CCDC187: variants seen among roughly 807,000 people sequenced by gnomAD.
The protein encoded by CCDC187 is coiled-coil domain-containing protein 187.
In CCDC187, 32 loss-of-function variants were observed where a neutral mutation model predicts 38.0. That is an observed-to-expected ratio of 0.84 (90% CI 0.64 to 1.13). The LOEUF is 1.13. Ranked by LOEUF, CCDC187 falls within the 50% of genes most tolerant of loss-of-function variation. CCDC187 has a pLI of 0.00. For synonymous variants in CCDC187, 333 were observed against 347.9 expected, an observed-to-expected ratio of 0.96 and a Z score of 0.48; for missense variants, 707 against 786.8, an observed-to-expected ratio of 0.90 and a Z score of 1.21.
intron 10 of CCDC187, among the ~76,000 whole-genome samples, chr9:136,279,906 C>T (rs1161917244): frequency 6.6e-6 from 1 of 152,232 alleles, no homozygotes; most frequent in East Asian, 1.9e-4. Flanking sequence ...AAGAGTCCCA[C>T]CCCGTCGTCC....
chr9:136,267,781 G>T, intron 15 of CCDC187: 1 of 938,930 alleles, frequency 1.1e-6, no homozygotes, highest in Non-Finnish European at 1.3e-6. Context: ...CAGGCCACCT[G>T]CCCTAAAATA....
At chr9:136,279,550 C>T (rs1489942777) in intron 10 of CCDC187, among the ~76,000 whole-genome samples, 3 of 152,232 alleles carry the variant, frequency 2.0e-5, no homozygotes, top group African/African-American at 7.2e-5. Flanking sequence ...CTGGCCAAGA[C>T]GTGGCTGTCC....
rs999913406 is a variant in CCDC187 at position 136,268,031 on chromosome 9, G to C, written c.3519+18C>G. ...GTCCTGAAATTGTGCCTCTCCCCCA[G>C]GGGACCTCTCCACGTACCTGGTGGG... On this transcript the variant is annotated intron_variant, in intron 15 of 25. Transcript: ENST00000638797. 2.0e-6 allele frequency: 2 copies of C among 985,268 alleles called. No individual in the cohort carries two copies. Among genetic ancestry groups the C allele is most frequent in the Non-Finnish European group, 2.4e-6 (2 of 829,864 alleles). The allele number at this position is 985,268 out of a possible 1,614,324, so 61.0% of individuals were successfully genotyped here. A position where few individuals can be genotyped will look rare whatever the true frequency, so the allele number is the denominator to read the frequency against.
At chr9:136,295,305 G>C (rs1831508639) in intron 4 of CCDC187, among the ~76,000 whole-genome samples, 1 of 152,186 alleles carries the variant, frequency 6.6e-6, no homozygotes, top group Admixed American at 6.5e-5. Flanking sequence ...CCCCTCCATT[G>C]CTGGCCACTC....
At chr9:136,263,908 G>A in intron 17 of CCDC187, 110 bp from the exon 18 acceptor site, 2 of 793,740 alleles carry the variant, frequency 2.5e-6, no homozygotes, top group Non-Finnish European at 3.1e-6. Flanking sequence ...CACACTGGGA[G>A]GCCTCCCTTT....
intron 6 of CCDC187, 113 bp from the exon 7 acceptor site, chr9:136,290,166 C>T (rs1831282965): frequency 2.5e-6 from 1 of 397,836 alleles, no homozygotes; most frequent in South Asian, 1.3e-4. Context: ...GGCTGCTTCC[C>T]CAGAGTCTTG....
At position 136,263,806 on chromosome 9, in the gene CCDC187, G is replaced by A; in HGVS notation, c.3736-8C>T. 1 of 985,514 alleles carries A rather than the reference G, an allele frequency of 1.0e-6. No homozygotes were observed. Among genetic ancestry groups the A allele is most frequent in the Non-Finnish European group, 1.2e-6 (1 of 829,960 alleles). 61.0% of individuals were successfully genotyped at this position (985,514 alleles called of 1,614,324 possible). ...CAGGTATTGGATTTCCCTCTGAGCAGGCAAAATAAGCAGATGTCAGCATAA... is the reference window on the plus strand; with the variant it reads ...CAGGTATTGGATTTCCCTCTGAGCAAGCAAAATAAGCAGATGTCAGCATAA... On this transcript the variant is annotated splice_region_variant and splice_polypyrimidine_tract_variant and intron_variant, in intron 17 of 25. Coordinates refer to ENST00000638797, the MANE Select transcript of CCDC187 (RefSeq NM_001378188.1).
At chr9:136,268,207 A>T in intron 14 of CCDC187, 82 bp from the exon 15 acceptor site, 1 of 896,494 alleles carries the variant, frequency 1.1e-6, no homozygotes, top group South Asian at 5.1e-5. Flanking sequence ...GGAGGGCCTC[A>T]TAAAAGTAGG....
rs1830741745 is a variant in CCDC187, at chr9:136,266,131, C to A, written c.3648-88G>T. The A allele has an allele frequency of 5.3e-6, 4 of 750,470 alleles. No homozygotes were observed. In the South Asian group the frequency reaches 1.8e-4, roughly 34 times the overall value. The allele number at this position is 750,470 out of a possible 1,614,324, so 46.5% of individuals were successfully genotyped here. On this transcript the variant is annotated intron_variant, in intron 16 of 25. Coordinates refer to ENST00000638797, the MANE Select transcript of CCDC187 (RefSeq NM_001378188.1). ...CACAGACACAGCCAGCCCTGGTCGG[C>A]CACATCAACCTGGAATGCCCTCCCA...
chr9:136,293,143 ACT>A (rs1831379263), intron 4 of CCDC187, among the ~76,000 whole-genome samples: 1 of 149,770 alleles, frequency 6.7e-6, no homozygotes, highest in Admixed American at 6.7e-5. Context: ...ATGCTCACAC[ACT>A]CACAAACACA....
intron 24 of CCDC187, 40 bp from the exon 25 acceptor site, chr9:136,255,773 TC>T: frequency 1.0e-6 from 1 of 960,810 alleles, no homozygotes. Flanking sequence ...GGGATCCTGG[TC>T]CTCCTGGCCT....
chr9:136,301,586 C>CTTT lies in CCDC187; in HGVS notation c.625+1223_625+1225dup, dbSNP rs1207423796. 3.2e-3 allele frequency among the ~76,000 whole-genome samples: 400 copies of CTTT among 126,534 alleles called. 15 individuals are homozygous for CTTT. Among genetic ancestry groups the CTTT allele is most frequent in the African/African-American group, 9.8e-3 (322 of 32,890 alleles). The allele number at this position is 126,534 out of a possible 152,430, so 83.0% of individuals were successfully genotyped here. A position where few individuals can be genotyped will look rare whatever the true frequency, so the allele number is the denominator to read the frequency against. ...TACATTTTATGTTATGCATACGTTACTTTTTTTTTTTTTTTTTTGAGACGA... is the reference window on the plus strand; with the variant it reads ...TACATTTTATGTTATGCATACGTTACTTTTTTTTTTTTTTTTTTTTTGAGACGA... On this transcript the variant is annotated intron_variant, in intron 2 of 25. Coordinates refer to ENST00000638797, the MANE Select transcript of CCDC187 (RefSeq NM_001378188.1).
rs1554760594 is a variant in CCDC187 at position 136,258,424 on chromosome 9, G to A, written c.4366+508C>T. On this transcript the variant is annotated intron_variant, in intron 22 of 25. Coordinates refer to ENST00000638797, the MANE Select transcript of CCDC187 (RefSeq NM_001378188.1). The surrounding 1 kb of genome is among the most constrained non-coding windows in gnomAD (Gnocchi z 4.3). Reference sequence around the variant, plus strand: ...GGTCAGGGAGCTCCGAGGTGGCATCGCAGGGCACACAACCCCCCACTCTTC... The same window carrying A: ...GGTCAGGGAGCTCCGAGGTGGCATCACAGGGCACACAACCCCCCACTCTTC... 1.3e-5 allele frequency among the ~76,000 whole-genome samples: 2 copies of A among 152,064 alleles called. No homozygotes were observed. Among genetic ancestry groups the A allele is most frequent in the Admixed American group, 6.5e-5 (1 of 15,280 alleles).
In CCDC187 at chr9:136,294,024, T is replaced by TCA. The variant is rs1182229936; in HGVS notation, c.833-1731_833-1730dup. ...CATATACACACGCCCTCACATGCTC[T>TCA]CACACACACACTCATATACACACGC... On this transcript the variant is annotated intron_variant, in intron 4 of 25. Transcript: ENST00000638797. 1.8e-3 allele frequency among the ~76,000 whole-genome samples: 260 copies of TCA among 145,152 alleles called. 1 individual carries two copies. The highest frequency in any genetic ancestry group is 5.2e-3 in the African/African-American group (202 of 38,534).
At chr9:136,304,802 T>C (rs1831773561), upstream of CCDC187, among the ~76,000 whole-genome samples, 2 of 152,188 alleles carry the variant, frequency 1.3e-5, no homozygotes, top group East Asian at 1.9e-4. Context: ...GGAGCTGCGA[T>C]GATCATGAGC....
chr9:136,289,009 G>A lies in CCDC187; in HGVS notation c.2222+950C>T, dbSNP rs956867706. Among the ~76,000 whole-genome samples the A allele has an allele frequency of 2.6e-5, 4 of 152,322 alleles. No homozygotes were observed. The South Asian group carries it at 8.3e-4, about 32-fold the overall frequency. ...GCACCCATTCACGGCAGCGGCAGGT[G>A]GAGCCCGGGCATCCGTTGGCCACGA... On this transcript the variant is annotated intron_variant, in intron 7 of 25. Transcript: ENST00000638797.
chr9:136,286,735 G>A, intron 7 of CCDC187, 40 bp from the exon 8 acceptor site: 1 of 398,652 alleles, frequency 2.5e-6, no homozygotes, highest in Non-Finnish European at 4.4e-6. Flanking sequence ...CTCAGGCTCG[G>A]TCGCCCCAGC....
At chr9:136,260,567 G>A (rs943014214) in intron 19 of CCDC187, among the ~76,000 whole-genome samples, 1 of 151,306 alleles carries the variant, frequency 6.6e-6, no homozygotes, top group Admixed American at 6.6e-5. Context: ...CCCCAGGCCT[G>A]CACTGACCTC....
chr9:136,255,823 A>G, intron 24 of CCDC187, 90 bp from the exon 25 acceptor site: 1 of 609,278 alleles, frequency 1.6e-6, no homozygotes, highest in Non-Finnish European at 2.1e-6. Context: ...CACCAGGCTC[A>G]GTCCACAGCT....
Sources: gnomAD v4.1 joint callset for allele counts (sites outside exome capture counted in the v4.1 genomes callset) on GRCh38, gnomAD v4.1.1 for gene constraint, Gnocchi (gnomAD v3.1) non-coding constraint, MANE v1.5 for transcripts, NCBI Gene and HGNC (gene_info 2026-07-23, HGNC 2026-07-21) for gene names.